RUNX1: variants seen among roughly 807,000 people sequenced by gnomAD.
The protein encoded by RUNX1 is runt-related transcription factor 1.
A neutral mutation model predicts 42.8 loss-of-function variants in RUNX1; 19 were observed. That is an observed-to-expected ratio of 0.44 (90% CI 0.31 to 0.65). RUNX1 has a LOEUF of 0.65. RUNX1 is among the 30% of genes least tolerant of loss of function. RUNX1 has a pLI of 0.07. For synonymous variants in RUNX1, 271 were observed against 289.4 expected, an observed-to-expected ratio of 0.94 and a Z score of 0.64; for missense variants, 528 against 672.0, an observed-to-expected ratio of 0.79 and a Z score of 2.37.
chr21:34,959,347 G>A lies in RUNX1; in HGVS notation c.59-66384C>T, dbSNP rs189415993. The stretch of plus-strand genomic sequence containing the variant: ...GCGTGACCCTGGGCAAGGTACGCAA[G>A]CTCTCTGTCCCTCAGTTCCTTCACC... On this transcript the variant is annotated intron_variant, in intron 2 of 8. Transcript: ENST00000675419. Among the ~76,000 whole-genome samples the A allele has an allele frequency of 2.0e-3, 305 of 152,302 alleles. 1 individual carries two copies. The highest frequency in any genetic ancestry group is 7.1e-3 in the African/African-American group (296 of 41,560).
chr21:34,955,199 C>T (rs762247), intron 2 of RUNX1, among the ~76,000 whole-genome samples: 24,902 of 151,916 alleles, frequency 0.16, 4,191 homozygotes, highest in African/African-American at 0.43. Context: ...TGGAAGCTAC[C>T]GAATCCAGAT....
intron 2 of RUNX1, among the ~76,000 whole-genome samples, chr21:34,994,257 A>G (rs776764543): frequency 3.8e-4 from 58 of 152,180 alleles, no homozygotes; most frequent in Non-Finnish European, 6.3e-4. Context: ...AACTTCCAAG[A>G]CATTTTCTAA....
intron 2 of RUNX1, among the ~76,000 whole-genome samples, chr21:34,951,814 T>A (rs1378888904): frequency 6.6e-6 from 1 of 152,188 alleles, no homozygotes; most frequent in African/African-American, 2.4e-5. Flanking sequence ...TGGAAGACAG[T>A]GTGGCGATTT....
intron 7 of RUNX1, among the ~76,000 whole-genome samples, chr21:34,825,660 C>G (rs1234167574): frequency 6.6e-6 from 1 of 152,182 alleles, no homozygotes; most frequent in Non-Finnish European, 1.5e-5. Context: ...TGTCCCCTGT[C>G]TTTTGTACAA....
chr21:34,837,128 T>C (rs1040762572), intron 6 of RUNX1, among the ~76,000 whole-genome samples: 8 of 152,252 alleles, frequency 5.3e-5, no homozygotes, highest in Admixed American at 3.9e-4. Context: ...GATTAACTGA[T>C]GACTGTCTGC....
intron 3 of RUNX1, chr21:34,889,563 G>A (rs1195509254): frequency 3.6e-5 from 24 of 674,272 alleles, no homozygotes; most frequent in Non-Finnish European, 4.4e-5. Flanking sequence ...GCCGGCACCC[G>A]CAGCAGCCGG....
rs1021864655 is a variant in RUNX1, at chr21:34,791,289, C to T, written c.*846G>A. 4.3e-6 allele frequency: 1 copy of T among 232,074 alleles called. No homozygotes were observed. Among genetic ancestry groups the T allele is most frequent in the Non-Finnish European group, 8.5e-6 (1 of 117,286 alleles). 14.4% of individuals were successfully genotyped at this position (232,074 alleles called of 1,614,324 possible). A position where few individuals can be genotyped will look rare whatever the true frequency, so the allele number is the denominator to read the frequency against. The stretch of plus-strand genomic sequence containing the variant: ...ATCAAGAACAAAAGAAAATGTAGTA[C>T]TTGATATTTTTCTTAATATAAGTAC... On this transcript the variant is annotated 3_prime_UTR_variant, in exon 9 of 9. Coordinates refer to ENST00000675419, the MANE Select transcript of RUNX1 (RefSeq NM_001754.5).
intron 7 of RUNX1, chr21:34,821,213 G>A (rs1423758373): frequency 9.7e-6 from 10 of 1,029,302 alleles, no homozygotes; most frequent in Non-Finnish European, 1.2e-5. Context: ...ACTTGGAGAG[G>A]ACCGATGGGT....
chr21:34,841,794 C>A (rs1381203081), intron 6 of RUNX1, among the ~76,000 whole-genome samples: 1 of 152,188 alleles, frequency 6.6e-6, no homozygotes, highest in Non-Finnish European at 1.5e-5. Context: ...TCCTGGAGAT[C>A]CCCTTTTAAG....
intron 2 of RUNX1, among the ~76,000 whole-genome samples, chr21:34,967,703 C>T (rs1215716977): frequency 6.6e-6 from 1 of 152,208 alleles, no homozygotes; most frequent in Non-Finnish European, 1.5e-5. Context: ...AATCCCAACA[C>T]TGGGATCCTC....
chr21:34,798,093 C>T (rs1306367073), intron 8 of RUNX1: 2 of 456,526 alleles, frequency 4.4e-6, no homozygotes, highest in African/African-American at 4.0e-5. Context: ...TCACAACTGT[C>T]TGGAAAACAC....
chr21:34,836,481 T>G (rs2057148058), intron 6 of RUNX1, among the ~76,000 whole-genome samples: 2 of 152,244 alleles, frequency 1.3e-5, no homozygotes, highest in African/African-American at 2.4e-5. Flanking sequence ...ATCCTTGGCT[T>G]CCTGATGATC....
chr21:34,889,601 C>A (rs2058052531), intron 3 of RUNX1: 7 of 998,808 alleles, frequency 7.0e-6, no homozygotes, highest in Non-Finnish European at 8.6e-6. Flanking sequence ...CGCGTCTCCC[C>A]TCCGGCTCCC....
chr21:34,792,597 C>A lies in RUNX1; in HGVS notation c.981G>T (p.Leu327=). 6.3e-7 allele frequency: 1 copy of A among 1,593,910 alleles called. No homozygotes were observed. The highest frequency in any genetic ancestry group is 8.5e-7 in the Non-Finnish European group (1 of 1,170,590). Residue 327 remains leucine (L), a synonymous_variant, in exon 9 of 9, where the codon CTG becomes CTT. Coordinates refer to ENST00000675419, the MANE Select transcript of RUNX1 (RefSeq NM_001754.5). This position sits in a 1 kb window ranked among gnomAD's most constrained non-coding sequence, Gnocchi z 6.9. ...LSSRLSTAPD[L]TAFSDPRQFP... ...ACTGGCGCGGGTCGCTGAACGCTGT[C>A]AGGTCGGGTGCCGCTGCAGGGCGGG...
intron 2 of RUNX1, among the ~76,000 whole-genome samples, chr21:34,906,757 G>A (rs1488984307): frequency 6.6e-6 from 1 of 152,194 alleles, no homozygotes; most frequent in African/African-American, 2.4e-5. Context: ...CCACTCTCCA[G>A]TTAAAGGGGA....
chr21:34,833,463 G>C (rs1390691293), intron 7 of RUNX1: 1 of 152,318 alleles, frequency 6.6e-6, no homozygotes, highest in African/African-American at 2.4e-5. Flanking sequence ...CAAAGGAACA[G>C]ATGATATTTG....
chr21:34,805,065 C>T (rs535749644), intron 7 of RUNX1, among the ~76,000 whole-genome samples: 1 of 152,058 alleles, frequency 6.6e-6, no homozygotes, highest in East Asian at 1.9e-4. Flanking sequence ...AAACTCTTAA[C>T]ACTCAAAAGC....
At chr21:34,891,160 C>A (rs1273763269) in intron 3 of RUNX1, among the ~76,000 whole-genome samples, 3 of 152,190 alleles carry the variant, frequency 2.0e-5, no homozygotes, top group Non-Finnish European at 4.4e-5. Flanking sequence ...AGGAGGGAGT[C>A]AAGTTCCTTT....
intron 2 of RUNX1, among the ~76,000 whole-genome samples, chr21:34,959,615 A>C (rs1203044245): frequency 2.0e-5 from 3 of 152,172 alleles, no homozygotes; most frequent in African/African-American, 7.2e-5. Context: ...CGTACTAAAG[A>C]AGCAAATATT....
Sources: gnomAD v4.1 joint callset for allele counts (sites outside exome capture counted in the v4.1 genomes callset) on GRCh38, gnomAD v4.1.1 for gene constraint, Gnocchi (gnomAD v3.1) non-coding constraint, MANE v1.5 for transcripts, NCBI Gene and HGNC (gene_info 2026-07-23, HGNC 2026-07-21) for gene names.